ATG3: variants seen among roughly 807,000 people sequenced by gnomAD.
ATG3 encodes the protein autophagy related 3.
Under a neutral mutation model 50.7 loss-of-function variants are expected in ATG3, and 25 were observed. The observed-to-expected ratio is 0.49, with a 90% CI of 0.36 to 0.69. ATG3 has a LOEUF of 0.69. ATG3 is among the 30% of genes least tolerant of loss of function. ATG3 has a pLI of 0.00. For missense variants in ATG3, 281 were observed against 376.0 expected, an observed-to-expected ratio of 0.75 and a Z score of 2.09; for synonymous variants, 119 against 125.5, an observed-to-expected ratio of 0.95 and a Z score of 0.34.
chr3:112,536,594 C>G lies in ATG3; in HGVS notation c.675G>C (p.Gln225His). ...LWLFGYDEQR[Q>H]PLTVEHMYED... Reference sequence around the variant, plus strand: ...CATACATGTGCTCAACTGTTAAAGGCTGCCGTTGCTGAAAGCATAAAAAAT... The same window carrying G: ...CATACATGTGCTCAACTGTTAAAGGGTGCCGTTGCTGAAAGCATAAAAAAT... Residue 225 changes from glutamine to histidine, a missense_variant, in exon 10 of 12, where the codon CAG becomes CAC. Coordinates refer to ENST00000283290, the MANE Select transcript of ATG3 (RefSeq NM_022488.5). 1 of 1,613,980 alleles carries G rather than the reference C, an allele frequency of 6.2e-7. No individual in the cohort carries two copies. The highest frequency in any genetic ancestry group is 8.5e-7 in the Non-Finnish European group (1 of 1,179,958).
At chr3:112,561,311 T>TGG (rs1933865286) in intron 1 of ATG3, 146 bp downstream of exon 1, 1 of 782,284 alleles carries the variant, frequency 1.3e-6, no homozygotes, top group Middle Eastern at 3.1e-4. Flanking sequence ...AGACTACGGG[T>TGG]GGGGGCTGCA....
intron 6 of ATG3, among the ~76,000 whole-genome samples, chr3:112,542,125 A>G (rs762216951): frequency 2.7e-4 from 37 of 135,232 alleles, no homozygotes; most frequent in Non-Finnish European, 3.0e-4. Context: ...AGAGTCATCT[A>G]AGCTATTTAA....
chr3:112,543,212 T>C (rs1933281035), intron 6 of ATG3, among the ~76,000 whole-genome samples: 1 of 152,086 alleles, frequency 6.6e-6, no homozygotes, highest in Admixed American at 6.5e-5. Context: ...TCCATTCAAA[T>C]AGTCTATCCT....
chr3:112,554,904 CCTT>C (rs1933623604), intron 2 of ATG3, among the ~76,000 whole-genome samples: 1 of 152,088 alleles, frequency 6.6e-6, no homozygotes, highest in African/African-American at 2.4e-5. Context: ...CTTCGAATAA[CCTT>C]ATTATTTAAA....
At chr3:112,561,333 G>T in intron 1 of ATG3, 124 bp downstream of exon 1, 1 of 969,502 alleles carries the variant, frequency 1.0e-6, no homozygotes, top group Non-Finnish European at 1.6e-6. Flanking sequence ...ACTTCCCTGT[G>T]TCTCGAGCCC....
chr3:112,557,681 T>C (rs907461097), intron 2 of ATG3, among the ~76,000 whole-genome samples: 3 of 151,852 alleles, frequency 2.0e-5, no homozygotes, highest in Non-Finnish European at 4.4e-5. Flanking sequence ...CAACTGAAAA[T>C]TGAAAGATCA....
chr3:112,552,760 C>T (rs922101921), intron 3 of ATG3, among the ~76,000 whole-genome samples: 2 of 151,586 alleles, frequency 1.3e-5, no homozygotes, highest in African/African-American at 4.8e-5. Flanking sequence ...ACACCATTCT[C>T]CTGCCTCAGC....
At chr3:112,545,046 A>G (rs1933336783) in intron 5 of ATG3, among the ~76,000 whole-genome samples, 1 of 152,232 alleles carries the variant, frequency 6.6e-6, no homozygotes, top group Non-Finnish European at 1.5e-5. Context: ...TATCACATTT[A>G]TATGTGGCTT....
intron 1 of ATG3, among the ~76,000 whole-genome samples, chr3:112,560,529 T>C (rs1933827753): frequency 1.3e-5 from 2 of 152,094 alleles, no homozygotes; most frequent in African/African-American, 4.8e-5. Flanking sequence ...TTAAGGTATT[T>C]CACCCCCACA....
At chr3:112,558,497 T>G in intron 1 of ATG3, 80 bp from the exon 2 acceptor site, 1 of 1,160,942 alleles carries the variant, frequency 8.6e-7, no homozygotes, top group African/African-American at 1.5e-5. Context: ...ATTATTTGCC[T>G]GGTGCCCTTC....
intron 2 of ATG3, 89 bp downstream of exon 2, chr3:112,558,287 G>C: frequency 6.4e-6 from 6 of 941,290 alleles, no homozygotes; most frequent in Non-Finnish European, 9.7e-6. Flanking sequence ...CAAAATTAAA[G>C]TTCAAGATGT....
At chr3:112,543,983 ATGTG>A (rs781360143) in intron 6 of ATG3, 70 bp downstream of exon 6, 21 of 1,061,006 alleles carry the variant, frequency 2.0e-5, no homozygotes, top group Non-Finnish European at 2.9e-5. Flanking sequence ...GTGATTATAT[ATGTG>A]TGTGTATAGA....
chr3:112,560,283 T>C (rs1188579356), intron 1 of ATG3, among the ~76,000 whole-genome samples: 1 of 152,214 alleles, frequency 6.6e-6, no homozygotes, highest in African/African-American at 2.4e-5. Flanking sequence ...AATGTGAAAA[T>C]TATTTTCCAA....
At chr3:112,560,232 T>C (rs953979991) in intron 1 of ATG3, among the ~76,000 whole-genome samples, 9 of 152,240 alleles carry the variant, frequency 5.9e-5, no homozygotes, top group African/African-American at 1.9e-4. Flanking sequence ...AGATATGATA[T>C]TCTGAAAAGT....
At chr3:112,540,026 CA>C (rs1480972215) in intron 7 of ATG3, among the ~76,000 whole-genome samples, 2 of 152,132 alleles carry the variant, frequency 1.3e-5, no homozygotes, top group Non-Finnish European at 1.5e-5. Context: ...ATGAGACATC[CA>C]GGGGGAAATG....
At chr3:112,541,950 G>A in intron 6 of ATG3, 66 bp from the exon 7 acceptor site, 1 of 1,287,886 alleles carries the variant, frequency 7.8e-7, no homozygotes, top group South Asian at 1.3e-5. Context: ...GAACACCCAT[G>A]TGCTAGCACA....
intron 4 of ATG3, among the ~76,000 whole-genome samples, chr3:112,549,798 CAA>C (rs71631400): frequency 8.5e-4 from 99 of 116,800 alleles, no homozygotes; most frequent in African/African-American, 2.9e-3. Flanking sequence ...TCAAAACAAC[CAA>C]AAAAAAAAAA....
chr3:112,549,210 C>G (rs563126089), intron 4 of ATG3, among the ~76,000 whole-genome samples: 7 of 152,246 alleles, frequency 4.6e-5, no homozygotes, highest in African/African-American at 1.7e-4. Flanking sequence ...GCAAATGTGT[C>G]AATTAACAGG....
intron 10 of ATG3, chr3:112,536,198 A>T: frequency 2.9e-6 from 1 of 340,856 alleles, no homozygotes. Context: ...GAAGCTAAAA[A>T]GTGTAGTAAA....
Sources: allele counts gnomAD v4.1 joint callset (sites outside exome capture counted in the v4.1 genomes callset), GRCh38; gene constraint gnomAD v4.1.1; transcripts MANE v1.5; gene names NCBI Gene and HGNC (gene_info 2026-07-23, HGNC 2026-07-21).